Variants in UNC80 observed in about 807,000 individuals in gnomAD.
UNC80 encodes the protein protein unc-80 homolog.
UNC80 carries 164 observed loss-of-function variants against 384.6 expected under a neutral mutation model. That is an observed-to-expected ratio of 0.43 (90% CI 0.38 to 0.49). The LOEUF is 0.49. Ranked by LOEUF, UNC80 falls within the 20% of genes least tolerant of loss-of-function variation. UNC80 has a pLI of 0.00. For missense variants in UNC80, 3,330 were observed against 4,143.0 expected (o/e 0.80, Z 5.39); for synonymous variants, 1,486 against 1,527.8 (o/e 0.97, Z 0.64).
intron 22 of UNC80, among the ~76,000 whole-genome samples, chr2:209,866,560 AGAGAG>A (rs2083845646): frequency 6.6e-6 from 1 of 151,078 alleles, no homozygotes; most frequent in African/African-American, 2.5e-5. Flanking sequence ...AGAGAGAGAG[AGAGAG>A]AATCATCTGA....
At position 209,926,894 on chromosome 2, in the gene UNC80, C is replaced by A; in HGVS notation, c.5714C>A (p.Pro1905Gln). Residue 1905 changes from proline to glutamine, a missense_variant, in exon 36 of 65, where the codon CCA becomes CAA. Pro to Gln is a moderately conservative substitution (Grantham distance 76, BLOSUM62 -1). This residue lies in a region of UNC80 where 1,049 missense variants were observed against 1,488.6 expected (regional missense o/e 0.70). Transcript: ENST00000673920. ...HTPNHHVPQP[P>Q]QAVFPACICA... The stretch of plus-strand genomic sequence containing the variant: ...CCGAACCACCATGTGCCTCAGCCCC[C>A]ACAAGCAGTGTTCCCAGCATGCATC... 6.4e-7 allele frequency: 1 copy of A among 1,552,260 alleles called. No homozygotes were observed. Among genetic ancestry groups the A allele is most frequent in the Non-Finnish European group, 8.7e-7 (1 of 1,147,090 alleles).
chr2:209,810,613 T>C (rs1225753127), intron 7 of UNC80, among the ~76,000 whole-genome samples: 1 of 152,152 alleles, frequency 6.6e-6, no homozygotes, highest in Non-Finnish European at 1.5e-5. Context: ...GGTTATCTCA[T>C]ATGGAGCACT....
chr2:209,796,221 A>C (rs915580641), intron 7 of UNC80: 1 of 152,206 alleles, frequency 6.6e-6, no homozygotes, highest in African/African-American at 2.4e-5. Context: ...TGGACTTTGG[A>C]CTTGCATGCC....
chr2:209,927,533 TCCAATGG>T, intron 36 of UNC80, among the ~76,000 whole-genome samples: 1 of 152,310 alleles, frequency 6.6e-6, no homozygotes, highest in South Asian at 2.1e-4. Context: ...CAGCAGGCAA[TCCAATGG>T]CCAGTAACAC....
chr2:209,837,811 G>A (rs1482716960), intron 18 of UNC80, among the ~76,000 whole-genome samples: 4 of 142,924 alleles, frequency 2.8e-5, no homozygotes, highest in Admixed American at 2.2e-4. Context: ...TCGCTCTTTC[G>A]CCCAGGCCAG....
At chr2:209,794,853 C>T (rs1461141287) in intron 7 of UNC80, 3 of 447,240 alleles carry the variant, frequency 6.7e-6, no homozygotes, top group African/African-American at 6.1e-5. Flanking sequence ...GGAACTGTAA[C>T]TCCAATTAAA....
intron 35 of UNC80, among the ~76,000 whole-genome samples, chr2:209,926,380 C>T (rs1485808267): frequency 6.6e-6 from 1 of 152,168 alleles, no homozygotes; most frequent in Non-Finnish European, 1.5e-5. Context: ...AATGAAGAGG[C>T]ACTTTGTGTA....
At position 209,819,098 on chromosome 2, in the gene UNC80, G is replaced by A. The variant is rs1312119994; in HGVS notation, c.1799G>A (p.Cys600Tyr). 1.9e-6 allele frequency: 3 copies of A among 1,552,056 alleles called. No individual in the cohort carries two copies. The highest frequency in any genetic ancestry group is 3.9e-5 in the Admixed American group (2 of 50,984). ...DFFNEHMRKL[C>Y]NQVPIPEMPH... ...TTCAATGAGCATATGAGGAAACTCT[G>A]CAACCAGGTGCCTATCCCGGAGATG... Residue 600 changes from cysteine to tyrosine, a missense_variant, in exon 12 of 65, where the codon TGC becomes TAC. Physicochemically the swap from Cys to Tyr is radical, Grantham distance 194. Transcript: ENST00000673920.
chr2:209,791,555 TTTAAGGACCAA>T (rs777722878), intron 6 of UNC80, among the ~76,000 whole-genome samples: 83 of 152,212 alleles, frequency 5.5e-4, no homozygotes, highest in Non-Finnish European at 9.9e-4. Context: ...ATTTTATCCT[TTTAAGGACCAA>T]TTAAGATCTC....
chr2:209,842,489 C>A, intron 21 of UNC80, 43 bp downstream of exon 21: 1 of 1,395,086 alleles, frequency 7.2e-7, no homozygotes, highest in Non-Finnish European at 9.9e-7. Context: ...ACTTTTATCA[C>A]ACAGAACAAA....
chr2:209,818,683 T>C (rs1320238779), intron 11 of UNC80, among the ~76,000 whole-genome samples: 2 of 152,208 alleles, frequency 1.3e-5, no homozygotes, highest in Non-Finnish European at 2.9e-5. Flanking sequence ...CATCTAACAA[T>C]GGGTAAAATT....
chr2:209,953,416 CAAAAAAAAAAAA>C lies in UNC80; in HGVS notation c.7287-669_7287-658del, dbSNP rs543990253. Among the ~76,000 whole-genome samples, 5 of 42,442 alleles carry C rather than the reference CAAAAAAAAAAAA, an allele frequency of 1.2e-4. No individual in the cohort carries two copies. In the East Asian group the frequency reaches 2.6e-3, roughly 22 times the overall value. The allele number at this position is 42,442 out of a possible 152,430, so 27.8% of individuals were successfully genotyped here. Reference sequence around the variant, plus strand: ...GGTGACTGACAGAGCAAGACTCTGTCAAAAAAAAAAAAAAAAAAAAAAAAAAGATTTATGTTG... The same window carrying C: ...GGTGACTGACAGAGCAAGACTCTGTCAAAAAAAAAAAAAAGATTTATGTTG... On this transcript the variant is annotated intron_variant, in intron 47 of 64. Coordinates refer to ENST00000673920, the MANE Select transcript of UNC80 (RefSeq NM_001371986.1).
intron 25 of UNC80, 60 bp from the exon 26 acceptor site, chr2:209,888,035 C>G: frequency 1.3e-6 from 2 of 1,508,710 alleles, no homozygotes; most frequent in Non-Finnish European, 1.8e-6. Flanking sequence ...AGGCTTGCCG[C>G]GAGACCAATG....
At chr2:209,926,727 G>T in intron 35 of UNC80, 116 bp from the exon 36 acceptor site, 2 of 1,310,132 alleles carry the variant, frequency 1.5e-6, no homozygotes, top group South Asian at 2.9e-5. Flanking sequence ...AGTGAGCAGT[G>T]ATCATGCCAC....
intron 47 of UNC80, among the ~76,000 whole-genome samples, chr2:209,950,561 CTT>C (rs796509289): frequency 2.9e-4 from 39 of 135,640 alleles, no homozygotes; most frequent in Admixed American, 4.5e-4. Context: ...CTACCTTTGG[CTT>C]TTTTTTTTTT....
intron 61 of UNC80, among the ~76,000 whole-genome samples, chr2:209,987,305 A>AT (rs140350630): frequency 0.053 from 7,987 of 151,906 alleles, 291 homozygotes; most frequent in Non-Finnish European, 0.081. Context: ...TACTTCTAGG[A>AT]TTTTTTTTTA....
intron 48 of UNC80, among the ~76,000 whole-genome samples, chr2:209,955,253 T>C (rs1278519115): frequency 6.6e-6 from 1 of 152,138 alleles, no homozygotes; most frequent in African/African-American, 2.4e-5. Context: ...CCCATCTTGC[T>C]GTGCTGGTAA....
chr2:209,852,087 A>G (rs1049187210), intron 22 of UNC80, among the ~76,000 whole-genome samples: 2 of 152,098 alleles, frequency 1.3e-5, no homozygotes, highest in African/African-American at 2.4e-5. Context: ...TCTCATTAGC[A>G]TATGTGTCCA....
intron 22 of UNC80, among the ~76,000 whole-genome samples, chr2:209,867,839 A>G (rs926191580): frequency 3.9e-5 from 6 of 152,242 alleles, no homozygotes; most frequent in Non-Finnish European, 8.8e-5. Flanking sequence ...AAACAAAAGC[A>G]AAATAAAAAT....
Sources: allele counts gnomAD v4.1 joint callset (sites outside exome capture counted in the v4.1 genomes callset), GRCh38; gene constraint gnomAD v4.1.1; regional missense constraint gnomAD v4.1.1; transcripts MANE v1.5; gene names NCBI Gene and HGNC (gene_info 2026-07-23, HGNC 2026-07-21).